The following CD38 variants were observed in gnomAD, a reference collection of about 807,000 sequenced individuals.
CD38 encodes CD38 molecule.
In CD38, 31 loss-of-function variants were observed where a neutral mutation model predicts 36.3. That is an observed-to-expected ratio of 0.85 (90% CI 0.64 to 1.15). The LOEUF (loss-of-function observed/expected upper bound fraction) is 1.15. Among genes scored for constraint, CD38 ranks in the 50% most tolerant of loss-of-function variants. The pLI, the probability that CD38 is intolerant of heterozygous loss-of-function variation, is 0.00. For missense variants in CD38, 380 were observed against 371.9 expected, an observed-to-expected ratio of 1.02 and a Z score of -0.18; for synonymous variants, 131 against 135.2, an observed-to-expected ratio of 0.97 and a Z score of 0.22.
Position 15,838,229 on chromosome 4 carries a change from A to G in CD38, c.659+64A>G, listed in dbSNP as rs1255309374. 1.4e-5 allele frequency: 17 copies of G among 1,210,274 alleles called. No individual in the cohort carries two copies. In the East Asian group the frequency reaches 2.8e-4, roughly 20 times the overall value. The allele number at this position is 1,210,274 out of a possible 1,614,324, so 75.0% of individuals were successfully genotyped here. A position where few individuals can be genotyped will look rare whatever the true frequency, so the allele number is the denominator to read the frequency against. On this transcript the variant is annotated intron_variant, in intron 5 of 7. Coordinates refer to ENST00000226279, the MANE Select transcript of CD38 (RefSeq NM_001775.4). ...TTGCAAATATCACAGTGAATATTTCATCTCTAGAAAGAATATGCTTTTCAT... is the reference window on the plus strand; with the variant it reads ...TTGCAAATATCACAGTGAATATTTCGTCTCTAGAAAGAATATGCTTTTCAT...
intron 2 of CD38, among the ~76,000 whole-genome samples, chr4:15,821,944 C>A (rs1227818680): frequency 2.0e-5 from 3 of 151,694 alleles, no homozygotes; most frequent in Non-Finnish European, 2.9e-5. Context: ...AAATTCTCAA[C>A]AAAATACTGG....
At chr4:15,792,447 G>GAAAAAAAAAAAAA in intron 1 of CD38, among the ~76,000 whole-genome samples, 1 of 129,074 alleles carries the variant, frequency 7.7e-6, no homozygotes, top group Middle Eastern at 3.7e-3. Flanking sequence ...TAAAAAAAAG[G>GAAAAAAAAAAAAA]AATGAATCAA....
chr4:15,814,622 G>T (rs978091678), intron 1 of CD38, among the ~76,000 whole-genome samples: 2 of 152,048 alleles, frequency 1.3e-5, no homozygotes, highest in Non-Finnish European at 2.9e-5. Flanking sequence ...TTTGTATAAG[G>T]TGTAAAGAAG....
chr4:15,833,953 T>C (rs971468015), intron 3 of CD38, among the ~76,000 whole-genome samples: 1 of 152,242 alleles, frequency 6.6e-6, no homozygotes, highest in Non-Finnish European at 1.5e-5. Context: ...CTCTGTCAGA[T>C]GAACTTTTGG....
In CD38 at chr4:15,851,527, A is replaced by G. The variant is rs560045789; in HGVS notation, c.*2925A>G. The G allele has an allele frequency of 6.6e-6, 1 of 152,072 alleles. No homozygotes were observed. Among genetic ancestry groups the G allele is most frequent in the South Asian group, 2.1e-4 (1 of 4,812 alleles). 9.4% of individuals were successfully genotyped at this position (152,072 alleles called of 1,614,324 possible). On this transcript the variant is annotated 3_prime_UTR_variant, in exon 8 of 8. Coordinates refer to ENST00000226279, the MANE Select transcript of CD38 (RefSeq NM_001775.4). ...CTTTTCTAAATTCCTAAGGCTCACC[A>G]TTTTCCTATTGTAATGGTTCTTGAC...
intron 1 of CD38, among the ~76,000 whole-genome samples, chr4:15,779,389 C>T (rs767164698): frequency 6.6e-6 from 1 of 152,142 alleles, no homozygotes; most frequent in Non-Finnish European, 1.5e-5. Context: ...TTCTCATGCT[C>T]CTTTCCAGCT....
intron 6 of CD38, 93 bp from the exon 7 acceptor site, chr4:15,840,359 A>G: frequency 1.2e-6 from 1 of 849,786 alleles, no homozygotes; most frequent in South Asian, 1.6e-5. Context: ...TCTTTATCCA[A>G]GGGCCTTGTC....
At chr4:15,840,168 A>C (rs1253158808) in intron 6 of CD38, 50 bp downstream of exon 6, 1 of 1,318,678 alleles carries the variant, frequency 7.6e-7, no homozygotes, top group Admixed American at 1.7e-5. Context: ...ATCAGTCCAC[A>C]AAAGAATCCA....
chr4:15,808,570 A>G (rs1206751345), intron 1 of CD38, among the ~76,000 whole-genome samples: 1 of 152,248 alleles, frequency 6.6e-6, no homozygotes, highest in Non-Finnish European at 1.5e-5. Context: ...GAAGGTCACA[A>G]AACCACTCTA....
rs542177651 is a variant in CD38, at chr4:15,797,931, T to C, written c.234-18580T>C. 5.9e-5 allele frequency among the ~76,000 whole-genome samples: 9 copies of C among 152,322 alleles called. No homozygotes were observed. In the South Asian group the frequency reaches 8.3e-4, roughly 14 times the overall value. ...CAAATAAGGTCATTTTCTGAGGTAC[T>C]GGGTGTTAGGATTTCAACATCGTTT... On this transcript the variant is annotated intron_variant, in intron 1 of 7. Coordinates refer to ENST00000226279, the MANE Select transcript of CD38 (RefSeq NM_001775.4).
chr4:15,804,329 T>A (rs1002377096), intron 1 of CD38, among the ~76,000 whole-genome samples: 2 of 152,176 alleles, frequency 1.3e-5, no homozygotes, highest in African/African-American at 4.8e-5. Context: ...TTGGTAGGAA[T>A]GTAAATTAGT....
intron 1 of CD38, among the ~76,000 whole-genome samples, chr4:15,791,146 G>A (rs1305948073): frequency 2.6e-5 from 3 of 117,612 alleles, no homozygotes; most frequent in African/African-American, 1.2e-4. Flanking sequence ...CCCTCTGCCC[G>A]GCCAGCCGCC....
chr4:15,850,232 G>C lies in CD38; in HGVS notation c.*1630G>C, dbSNP rs530489496. On this transcript the variant is annotated 3_prime_UTR_variant, in exon 8 of 8. Transcript: ENST00000226279. ...GAGGATTGTTTGAGCTTGGGAGGTT[G>C]AGGCTGCAGGGAGCTGTGATCACAC... 1.3e-5 allele frequency: 2 copies of C among 152,376 alleles called. No individual in the cohort carries two copies. The highest frequency in any genetic ancestry group is 4.8e-5 in the African/African-American group (2 of 41,568). The allele number at this position is 152,376 out of a possible 1,614,324, so 9.4% of individuals were successfully genotyped here. A position where few individuals can be genotyped will look rare whatever the true frequency, so the allele number is the denominator to read the frequency against.
chr4:15,802,636 A>G (rs561735533), intron 1 of CD38, among the ~76,000 whole-genome samples: 24 of 151,900 alleles, frequency 1.6e-4, no homozygotes, highest in Non-Finnish European at 3.2e-4. Flanking sequence ...AGCTCACTGC[A>G]ATCTCTCCCT....
intron 1 of CD38, among the ~76,000 whole-genome samples, chr4:15,791,076 GC>G (rs1305134861): frequency 1.6e-5 from 2 of 123,542 alleles, no homozygotes; most frequent in Non-Finnish European, 3.3e-5. Context: ...CCGGCCAGCT[GC>G]CCCGTCCGGG....
At chr4:15,785,783 G>A (rs932743502) in intron 1 of CD38, among the ~76,000 whole-genome samples, 9 of 152,204 alleles carry the variant, frequency 5.9e-5, no homozygotes, top group African/African-American at 1.9e-4. Flanking sequence ...TCCGGAATTC[G>A]TGGGTTCTTG....
At position 15,834,208 on chromosome 4, in the gene CD38, G is replaced by A. The variant is rs754052526; in HGVS notation, c.500-9G>A. The stretch of plus-strand genomic sequence containing the variant: ...TTCCACTTTATTTTCTACAAACTAT[G>A]TCTTTTAGAAATAAACTATCAATCT... On this transcript the variant is annotated splice_polypyrimidine_tract_variant and intron_variant, in intron 3 of 7. Coordinates refer to ENST00000226279, the MANE Select transcript of CD38 (RefSeq NM_001775.4). The A allele has an allele frequency of 1.3e-6, 2 of 1,554,278 alleles. No homozygotes were observed. Among genetic ancestry groups the A allele is most frequent in the Non-Finnish European group, 8.9e-7 (1 of 1,125,618 alleles).
chr4:15,795,983 C>T (rs1271576971), intron 1 of CD38, among the ~76,000 whole-genome samples: 5 of 152,066 alleles, frequency 3.3e-5, no homozygotes, highest in Non-Finnish European at 5.9e-5. Flanking sequence ...GAATTTGGCA[C>T]TTCATAGATG....
intron 1 of CD38, among the ~76,000 whole-genome samples, chr4:15,801,885 C>G (rs1048417029): frequency 6.6e-6 from 1 of 152,108 alleles, no homozygotes; most frequent in Non-Finnish European, 1.5e-5. Flanking sequence ...AAAACTGGAA[C>G]AAGATAAGGA....
Sources: gnomAD v4.1 joint callset for allele counts (sites outside exome capture counted in the v4.1 genomes callset) on GRCh38, gnomAD v4.1.1 for gene constraint, MANE v1.5 for transcripts, NCBI Gene and HGNC (gene_info 2026-07-23, HGNC 2026-07-21) for gene names.